TMEM132B: variants seen among roughly 807,000 people sequenced by gnomAD.
TMEM132B encodes transmembrane protein 132B.
TMEM132B carries 18 observed loss-of-function variants against 90.8 expected under a neutral mutation model. The observed-to-expected ratio is 0.20, with a 90% CI of 0.14 to 0.29. The LOEUF (loss-of-function observed/expected upper bound fraction) is 0.29. Ranked by LOEUF, TMEM132B falls within the 10% of genes least tolerant of loss-of-function variation. The pLI is 1.00. For missense variants in TMEM132B, 1,096 were observed against 1,326.8 expected (o/e 0.83, Z 2.70); for synonymous variants, 504 against 523.3 (o/e 0.96, Z 0.50).
intron 5 of TMEM132B, among the ~76,000 whole-genome samples, chr12:125,632,687 TC>T (rs1488234184): frequency 1.3e-5 from 2 of 152,086 alleles, no homozygotes; most frequent in Non-Finnish European, 2.9e-5. Flanking sequence ...AGTTTTTTTT[TC>T]CTCCTTCAGC....
intron 1 of TMEM132B, among the ~76,000 whole-genome samples, chr12:125,296,071 T>A (rs10846866): frequency 0.3 from 46,221 of 152,100 alleles, 7,359 homozygotes; most frequent in East Asian, 0.54. Context: ...CCACTCCAAG[T>A]CAGAGGGAGC....
chr12:125,383,893 T>C (rs1323669033), intron 2 of TMEM132B, among the ~76,000 whole-genome samples: 1 of 152,222 alleles, frequency 6.6e-6, no homozygotes, highest in Non-Finnish European at 1.5e-5. Flanking sequence ...ACTGCAACTT[T>C]CTACTTGATT....
intron 1 of TMEM132B, among the ~76,000 whole-genome samples, chr12:125,269,284 C>T (rs1401199122): frequency 1.3e-5 from 2 of 152,222 alleles, no homozygotes; most frequent in African/African-American, 4.8e-5. Flanking sequence ...GGTCTCCTTG[C>T]TGCTTCACCT....
At chr12:125,617,859 C>G in intron 5 of TMEM132B, among the ~76,000 whole-genome samples, 1 of 151,784 alleles carries the variant, frequency 6.6e-6, no homozygotes, top group East Asian at 1.9e-4. Flanking sequence ...CCCAGGAGAG[C>G]TCTTTATCTG....
intron 3 of TMEM132B, among the ~76,000 whole-genome samples, chr12:125,482,677 G>C (rs1050768480): frequency 4.6e-5 from 7 of 152,186 alleles, no homozygotes; most frequent in African/African-American, 1.7e-4. Context: ...CATTGTGGAA[G>C]ACAGTGTGGC....
intron 1 of TMEM132B, among the ~76,000 whole-genome samples, chr12:125,235,045 G>C (rs1873902858): frequency 1.3e-5 from 2 of 152,188 alleles, no homozygotes; most frequent in African/African-American, 4.8e-5. Context: ...CTGCATGCTA[G>C]TTTGGCTTCC....
intron 3 of TMEM132B, among the ~76,000 whole-genome samples, chr12:125,451,218 A>C (rs1448485027): frequency 1.3e-5 from 2 of 152,320 alleles, no homozygotes; most frequent in East Asian, 3.9e-4. Context: ...ATAAATGTTA[A>C]ATTTACTGAA....
At chr12:125,446,665 A>G (rs1593151406) in intron 3 of TMEM132B, among the ~76,000 whole-genome samples, 1 of 152,236 alleles carries the variant, frequency 6.6e-6, no homozygotes, top group East Asian at 1.9e-4. Flanking sequence ...TTTCTCCTAC[A>G]TAGTAGGCAC....
At chr12:125,278,995 G>A (rs1038407912) in intron 1 of TMEM132B, among the ~76,000 whole-genome samples, 1 of 152,200 alleles carries the variant, frequency 6.6e-6, no homozygotes, top group Non-Finnish European at 1.5e-5. Context: ...CTCTAGCCCG[G>A]CACTGAGAAA....
At chr12:125,432,573 AGTGTTAG>A in intron 3 of TMEM132B, among the ~76,000 whole-genome samples, 1 of 143,478 alleles carries the variant, frequency 7.0e-6, no homozygotes, top group Admixed American at 7.0e-5. Context: ...AGAGAAAGAG[AGTGTTAG>A]AATGTGGCCT....
At chr12:125,218,249 T>C (rs1186297375) in intron 1 of TMEM132B, among the ~76,000 whole-genome samples, 1 of 152,128 alleles carries the variant, frequency 6.6e-6, no homozygotes, top group Non-Finnish European at 1.5e-5. Context: ...TTTGTATTCT[T>C]CGAATTTCAT....
chr12:125,309,119 T>C (rs1357414629), intron 1 of TMEM132B, among the ~76,000 whole-genome samples: 1 of 152,268 alleles, frequency 6.6e-6, no homozygotes, highest in Non-Finnish European at 1.5e-5. Flanking sequence ...AAACTGATTC[T>C]AGTTCTCTGC....
chr12:125,270,775 T>G (rs1593062991), intron 1 of TMEM132B, among the ~76,000 whole-genome samples: 1 of 118,554 alleles, frequency 8.4e-6, no homozygotes. Context: ...CTGCAGAGAC[T>G]CTGTGGGGGT....
intron 5 of TMEM132B, among the ~76,000 whole-genome samples, chr12:125,631,639 G>T (rs538089980): frequency 2.6e-5 from 4 of 152,152 alleles, no homozygotes; most frequent in African/African-American, 9.6e-5. Flanking sequence ...AGTTCTAATA[G>T]TATTTGCTTT....
chr12:125,596,674 C>T (rs952282286), intron 5 of TMEM132B, among the ~76,000 whole-genome samples: 29 of 152,090 alleles, frequency 1.9e-4, no homozygotes, highest in African/African-American at 7.0e-4. Context: ...AAGTGATTGC[C>T]GTGATAAAAT....
intron 4 of TMEM132B, among the ~76,000 whole-genome samples, chr12:125,525,719 C>A (rs568707456): frequency 6.6e-6 from 1 of 152,288 alleles, no homozygotes; most frequent in African/African-American, 2.4e-5. Context: ...GTTCTCTTAG[C>A]CAACGGCCAC....
intron 4 of TMEM132B, among the ~76,000 whole-genome samples, chr12:125,569,732 C>T (rs574481187): frequency 3.9e-5 from 6 of 152,184 alleles, no homozygotes; most frequent in African/African-American, 9.6e-5. Flanking sequence ...GGAACCAGCA[C>T]GGGAGCTCCT....
At chr12:125,602,774 G>C (rs1885601623) in intron 5 of TMEM132B, among the ~76,000 whole-genome samples, 1 of 152,118 alleles carries the variant, frequency 6.6e-6, no homozygotes, top group African/African-American at 2.4e-5. Context: ...AAAGTCTCAG[G>C]ATACAAAATC....
chr12:125,296,370 C>T (rs1214728591), intron 1 of TMEM132B, among the ~76,000 whole-genome samples: 1 of 152,212 alleles, frequency 6.6e-6, no homozygotes, highest in Non-Finnish European at 1.5e-5. Flanking sequence ...AACACCCTCA[C>T]ATCCTTTTAA....
Sources: allele counts gnomAD v4.1 joint callset (sites outside exome capture counted in the v4.1 genomes callset), GRCh38; gene constraint gnomAD v4.1.1; transcripts MANE v1.5; gene names NCBI Gene and HGNC (gene_info 2026-07-23, HGNC 2026-07-21).